The following ZNF274 variants were observed in gnomAD, a reference collection of about 807,000 sequenced individuals.
The protein encoded by ZNF274 is zinc finger protein 274.
A neutral mutation model predicts 42.5 loss-of-function variants in ZNF274; 23 were observed. The ratio of observed to expected loss-of-function variants is 0.54; its 90% CI spans 0.39 to 0.77. ZNF274 has a LOEUF of 0.77. ZNF274 is among the 30% of genes least tolerant of loss of function. The pLI, the probability that ZNF274 is intolerant of heterozygous loss-of-function variation, is 0.00. For synonymous variants in ZNF274, 292 were observed against 305.4 expected, an observed-to-expected ratio of 0.96 and a Z score of 0.46; for missense variants, 679 against 806.5, an observed-to-expected ratio of 0.84 and a Z score of 1.91.
Position 58,212,461 on chromosome 19 carries a change from C to T in ZNF274, c.1280C>T (p.Ser427Phe). Residue 427 changes from serine to phenylalanine, a missense_variant, in exon 8 of 8, where the codon TCC (serine) becomes TTC (phenylalanine). Coordinates refer to ENST00000617501, the MANE Select transcript of ZNF274 (RefSeq NM_133502.3). The surrounding 1 kb of genome is among the most constrained non-coding windows in gnomAD (Gnocchi z 4.6). Reference sequence around the variant, plus strand: ...CTCCAGAAAATTGACAACCCTGAGTCCCAGGCAAACAGTGGCGCTCTTGAC... The same window carrying T: ...CTCCAGAAAATTGACAACCCTGAGTTCCAGGCAAACAGTGGCGCTCTTGAC... ...VSLQKIDNPE[S>F]QANSGALDTN... 2 of 1,613,514 alleles carry T rather than the reference C, an allele frequency of 1.2e-6. No homozygotes were observed. The highest frequency in any genetic ancestry group is 1.7e-6 in the Non-Finnish European group (2 of 1,179,780).
At chr19:58,194,936 G>T (rs550463219) in intron 4 of ZNF274, among the ~76,000 whole-genome samples, 1 of 152,052 alleles carries the variant, frequency 6.6e-6, no homozygotes, top group Non-Finnish European at 1.5e-5. Context: ...GGGAGGCGGA[G>T]CTTGCAGTGA....
chr19:58,184,115 G>T, intron 2 of ZNF274, 117 bp downstream of exon 2: 1 of 1,217,898 alleles, frequency 8.2e-7, no homozygotes, highest in Admixed American at 2.3e-5. Flanking sequence ...CTCGGGGAGG[G>T]GGTAGAGATT....
At chr19:58,204,698 G>C (rs750043822) in intron 4 of ZNF274, among the ~76,000 whole-genome samples, 1 of 152,162 alleles carries the variant, frequency 6.6e-6, no homozygotes, top group African/African-American at 2.4e-5. Flanking sequence ...CTGCTTACAA[G>C]GGAGTTTTTA....
intron 4 of ZNF274, among the ~76,000 whole-genome samples, chr19:58,195,035 T>A (rs1330573282): frequency 7.0e-6 from 1 of 143,838 alleles, no homozygotes; most frequent in African/African-American, 2.5e-5. Context: ...AATAAATAAA[T>A]AAAAATACAA....
Position 58,213,499 on chromosome 19 carries a change from A to T in ZNF274, c.*356A>T, listed in dbSNP as rs2076069135. On this transcript the variant is annotated 3_prime_UTR_variant, in exon 8 of 8. Transcript: ENST00000617501. Reference sequence around the variant, plus strand: ...TTACATCCACAGTACCACAGTATTTATGTGTATGAATTAAGGATTAAAAGA... The same window carrying T: ...TTACATCCACAGTACCACAGTATTTTTGTGTATGAATTAAGGATTAAAAGA... 4.8e-6 allele frequency: 1 copy of T among 207,600 alleles called. No individual in the cohort carries two copies. Among genetic ancestry groups the T allele is most frequent in the African/African-American group, 2.3e-5 (1 of 43,588 alleles). 12.9% of individuals were successfully genotyped at this position (207,600 alleles called of 1,614,324 possible). A position where few individuals can be genotyped will look rare whatever the true frequency, so the allele number is the denominator to read the frequency against.
chr19:58,207,232 T>TTAATGAGG lies in ZNF274; in HGVS notation c.739+31_739+38dup. The TTAATGAGG allele has an allele frequency of 1.3e-6, 2 of 1,580,432 alleles. No individual in the cohort carries two copies. Among genetic ancestry groups the TTAATGAGG allele is most frequent in the Non-Finnish European group, 1.7e-6 (2 of 1,162,656 alleles). Reference sequence around the variant, plus strand: ...GTAGAAGGGTGGGTAGAGGGACAGCTTAATGAGGGTGTCTTGGAGTACCCT... The same window carrying TTAATGAGG: ...GTAGAAGGGTGGGTAGAGGGACAGCTTAATGAGGTAATGAGGGTGTCTTGGAGTACCCT... On this transcript the variant is annotated intron_variant, in intron 5 of 7. Coordinates refer to ENST00000617501, the MANE Select transcript of ZNF274 (RefSeq NM_133502.3). The surrounding 1 kb of genome is among the most constrained non-coding windows in gnomAD (Gnocchi z 5.6).
At position 58,213,076 on chromosome 19, in the gene ZNF274, C is replaced by CA. The variant is rs1718108139; in HGVS notation, c.1896dup (p.His633ThrfsTer11). 6.2e-7 allele frequency: 1 copy of CA among 1,614,084 alleles called. No individual in the cohort carries two copies. Among genetic ancestry groups the CA allele is most frequent in the Admixed American group, 1.7e-5 (1 of 60,024 alleles). On this transcript the variant is annotated frameshift_variant, in exon 8 of 8. Coordinates refer to ENST00000617501, the MANE Select transcript of ZNF274 (RefSeq NM_133502.3). LOFTEE classifies it low-confidence loss of function (END_TRUNC). ...TGTGGAAAGGCCTTCACCCAGAGCT[C>CA]ACACCTTATTGGGCACCAGAGAACC...
chr19:58,187,014 G>A lies in ZNF274; in HGVS notation c.228G>A (p.Glu76=), dbSNP rs757955972. 4 of 1,613,080 alleles carry A rather than the reference G, an allele frequency of 2.5e-6. No homozygotes were observed. Among genetic ancestry groups the A allele is most frequent in the Non-Finnish European group, 3.4e-6 (4 of 1,179,614 alleles). The part of the protein sequence containing the change: ...LEEAEDFWPV[E]RGIPQDTIPE... Reference sequence around the variant, plus strand: ...AGGCAGAAGATTTCTGGCCAGTGGAGAGAGGAATTCCTCAAGACACCATTC... The same window carrying A: ...AGGCAGAAGATTTCTGGCCAGTGGAAAGAGGAATTCCTCAAGACACCATTC... The change falls in exon 4 of 8, where the codon GAG becomes GAA. Residue 76 remains glutamate, a synonymous_variant. Transcript: ENST00000617501.
intron 4 of ZNF274, among the ~76,000 whole-genome samples, chr19:58,205,837 C>A (rs755109272): frequency 6.6e-6 from 1 of 152,170 alleles, no homozygotes; most frequent in African/African-American, 2.4e-5. Flanking sequence ...GGAGAAGGTT[C>A]TTTTTCCTGT....
At chr19:58,210,095 G>A in intron 6 of ZNF274, 22 bp downstream of exon 6, 1 of 1,606,128 alleles carries the variant, frequency 6.2e-7, no homozygotes, top group Non-Finnish European at 8.5e-7. Flanking sequence ...GTATCACCCT[G>A]TTTTGGTCAC....
rs1235004421 is a variant in ZNF274, at chr19:58,188,619, AAATATAT to A, written c.256+1579_256+1585del. ...AGACTCCATCTCAAAAAAAAAAAAA[AAATATAT>A]ATATATATATATATATATATGTAAA... On this transcript the variant is annotated intron_variant, in intron 4 of 7. Transcript: ENST00000617501. Among the ~76,000 whole-genome samples the A allele has an allele frequency of 2.5e-3, 120 of 47,390 alleles. 1 individual carries two copies. Among genetic ancestry groups the A allele is most frequent in the Admixed American group, 3.4e-3 (13 of 3,802 alleles). The allele number at this position is 47,390 out of a possible 152,430, so 31.1% of individuals were successfully genotyped here. A position where few individuals can be genotyped will look rare whatever the true frequency, so the allele number is the denominator to read the frequency against.
In ZNF274 at chr19:58,198,369, TTAAAGTATA is replaced by T. The variant is rs543812953; in HGVS notation, c.257-8349_257-8341del. ...TTGATTTGAAACCACATGTGTGTAC[TTAAAGTATA>T]TGACATTTTAATATATAAATATACA... On this transcript the variant is annotated intron_variant, in intron 4 of 7. Coordinates refer to ENST00000617501, the MANE Select transcript of ZNF274 (RefSeq NM_133502.3). Among the ~76,000 whole-genome samples the T allele has an allele frequency of 1.2e-3, 190 of 152,352 alleles. 2 individuals are homozygous for T. The highest frequency in any genetic ancestry group is 4.4e-3 in the African/African-American group (183 of 41,580).
At chr19:58,190,593 ATTC>A (rs1471453787) in intron 4 of ZNF274, among the ~76,000 whole-genome samples, 13 of 152,234 alleles carry the variant, frequency 8.5e-5, no homozygotes, top group African/African-American at 2.7e-4. Flanking sequence ...TGGTCACACA[ATTC>A]TTCTCCTTTG....
intron 4 of ZNF274, among the ~76,000 whole-genome samples, chr19:58,200,501 T>C (rs2075897183): frequency 6.6e-6 from 1 of 152,060 alleles, no homozygotes; most frequent in African/African-American, 2.4e-5. Context: ...TGGGCAGCAG[T>C]AGTTCAGAAC....
rs2076055715 is a variant in ZNF274, at chr19:58,212,594, G to A, written c.1413G>A (p.Lys471=). ...ATTCACGTGTAAAAATTCATCAGAA[G>A]AGCTGTGAAAGGCAAAAGGCCAAGG... ...KHNSRVKIHQ[K]SCERQKAKEG... Residue 471 remains lysine (K), a synonymous_variant, in exon 8 of 8, where the codon AAG becomes AAA. Transcript: ENST00000617501. The surrounding 1 kb of genome is among the most constrained non-coding windows in gnomAD (Gnocchi z 4.6). The A allele has an allele frequency of 1.2e-6, 2 of 1,613,902 alleles. No individual in the cohort carries two copies. Among genetic ancestry groups the A allele is most frequent in the Non-Finnish European group, 1.7e-6 (2 of 1,179,910 alleles).
chr19:58,211,633 G>A lies in ZNF274; in HGVS notation c.926G>A (p.Arg309Lys). 6.2e-7 allele frequency: 1 copy of A among 1,613,970 alleles called. No individual in the cohort carries two copies. Among genetic ancestry groups the A allele is most frequent in the South Asian group, 1.1e-5 (1 of 91,066 alleles). ...EEWGLLGPTQ[R>K]TEYRDVMLET... is the part of the protein sequence containing the mutation. ...TGGGGGCTGCTGGGCCCGACACAGA[G>A]GACCGAGTACCGCGATGTGATGCTG... The change falls in exon 7 of 8, where the codon AGG (arginine) becomes AAG (lysine). Residue 309 changes from arginine to lysine, a missense_variant. Physicochemically the swap from Arg to Lys is conservative, Grantham distance 26. This residue lies in a region of ZNF274 where 456 missense variants were observed against 590.1 expected (regional missense o/e 0.77). Transcript: ENST00000617501. The surrounding 1 kb of genome is among the most constrained non-coding windows in gnomAD (Gnocchi z 4.8).
In ZNF274 at chr19:58,213,214, G is replaced by A. The variant is rs2076065297; in HGVS notation, c.*71G>A. 18 of 1,521,034 alleles carry A rather than the reference G, an allele frequency of 1.2e-5. No individual in the cohort carries two copies. Among genetic ancestry groups the A allele is most frequent in the Non-Finnish European group, 1.5e-5 (17 of 1,137,844 alleles). 94.2% of individuals were successfully genotyped at this position (1,521,034 alleles called of 1,614,324 possible). On this transcript the variant is annotated 3_prime_UTR_variant, in exon 8 of 8. Coordinates refer to ENST00000617501, the MANE Select transcript of ZNF274 (RefSeq NM_133502.3). Reference sequence around the variant, plus strand: ...CAATATAACATGCACAGGCCTGCTTGTGAATCAGGACTGAATGTGAAAGGG... The same window carrying A: ...CAATATAACATGCACAGGCCTGCTTATGAATCAGGACTGAATGTGAAAGGG...
intron 4 of ZNF274, among the ~76,000 whole-genome samples, chr19:58,206,498 T>G (rs2075979733): frequency 6.6e-6 from 1 of 152,228 alleles, no homozygotes; most frequent in Non-Finnish European, 1.5e-5. Flanking sequence ...CCAACCTGTT[T>G]TGCAGAGTGG....
intron 4 of ZNF274, among the ~76,000 whole-genome samples, chr19:58,190,038 A>C (rs1227827229): frequency 3.3e-5 from 5 of 151,110 alleles, no homozygotes; most frequent in African/African-American, 4.9e-5. Context: ...CAGGAGGATC[A>C]CTTGAACCTG....
Sources: gnomAD v4.1 joint callset for allele counts (sites outside exome capture counted in the v4.1 genomes callset) on GRCh38, gnomAD v4.1.1 for gene constraint, gnomAD v4.1.1 regional missense constraint, Gnocchi (gnomAD v3.1) non-coding constraint, MANE v1.5 for transcripts, NCBI Gene and HGNC (gene_info 2026-07-23, HGNC 2026-07-21) for gene names.